Variants in SELENOK observed in about 807,000 individuals in gnomAD.
The protein encoded by SELENOK is selenoprotein K.
A neutral mutation model predicts 17.3 loss-of-function variants in SELENOK; 11 were observed. The ratio of observed to expected loss-of-function variants is 0.63; its 90% CI spans 0.40 to 1.05. The LOEUF is 1.05. Among genes scored for constraint, SELENOK ranks in the 50% least tolerant of loss-of-function variants. The pLI is 0.00. For missense variants in SELENOK, 125 were observed against 113.9 expected (o/e 1.10, Z -0.44); for synonymous variants, 45 against 35.4 (o/e 1.27, Z -0.97).
At chr3:53,885,959 G>T (rs945601515) in intron 3 of SELENOK, 47 bp from the exon 4 acceptor site, 16 of 1,267,248 alleles carry the variant, frequency 1.3e-5, no homozygotes, top group Non-Finnish European at 1.7e-5. Context: ...GACACAACTT[G>T]AATTGTCTCC....
rs944757518 is a variant in SELENOK at position 53,885,934 on chromosome 3, AT to A, written c.195-23del. The A allele has an allele frequency of 2.8e-6, 4 of 1,446,672 alleles. No individual in the cohort carries two copies. In the African/African-American group the frequency reaches 5.8e-5, roughly 21 times the overall value. 89.6% of individuals were successfully genotyped at this position (1,446,672 alleles called of 1,614,324 possible). A position where few individuals can be genotyped will look rare whatever the true frequency, so the allele number is the denominator to read the frequency against. The stretch of plus-strand genomic sequence containing the variant: ...TGGCCTAATAAAATAAAAAGTTAGT[AT>A]CTACTGTTTGATAGACACAACTTGA... On this transcript the variant is annotated intron_variant, in intron 3 of 4. Coordinates refer to ENST00000495461, the MANE Select transcript of SELENOK (RefSeq NM_021237.5).
chr3:53,885,611 G>A (rs765851123), intron 4 of SELENOK, 50 bp from the exon 5 acceptor site: 1 of 1,553,618 alleles, frequency 6.4e-7, no homozygotes, highest in Admixed American at 1.7e-5. Flanking sequence ...ATTTGGATCT[G>A]TGTGAAAACC....
intron 1 of SELENOK, among the ~76,000 whole-genome samples, chr3:53,889,100 T>G (rs1700148968): frequency 6.6e-6 from 1 of 152,044 alleles, no homozygotes; most frequent in Non-Finnish European, 1.5e-5. Context: ...CAAAAATTTA[T>G]CATGGTTTAA....
chr3:53,887,202 C>T (rs1184182403), intron 2 of SELENOK, among the ~76,000 whole-genome samples: 1 of 152,116 alleles, frequency 6.6e-6, no homozygotes, highest in Non-Finnish European at 1.5e-5. Flanking sequence ...CAGAGTCATC[C>T]CTGACCTCCA....
In SELENOK at chr3:53,891,804, C is replaced by T. The variant is rs1246270331; in HGVS notation, c.-16G>A. ...TGTAAACCATCTTGTCCCACTTCCCCGCTTCGGAGCCACCGGGCGCCTGGC... is the reference window on the plus strand; with the variant it reads ...TGTAAACCATCTTGTCCCACTTCCCTGCTTCGGAGCCACCGGGCGCCTGGC... On this transcript the variant is annotated 5_prime_UTR_variant, in exon 1 of 5. Coordinates refer to ENST00000495461, the MANE Select transcript of SELENOK (RefSeq NM_021237.5). 2 of 1,613,932 alleles carry T rather than the reference C, an allele frequency of 1.2e-6. No individual in the cohort carries two copies. Among genetic ancestry groups the T allele is most frequent in the Non-Finnish European group, 1.7e-6 (2 of 1,179,790 alleles).
Position 53,888,266 on chromosome 3 carries a change from A to AT in SELENOK, c.110+126dup, listed in dbSNP as rs1415855404. The AT allele has an allele frequency of 6.1e-6, 4 of 656,114 alleles. No homozygotes were observed. The African/African-American group carries it at 7.3e-5, about 12-fold the overall frequency. 40.6% of individuals were successfully genotyped at this position (656,114 alleles called of 1,614,324 possible). A position where few individuals can be genotyped will look rare whatever the true frequency, so the allele number is the denominator to read the frequency against. On this transcript the variant is annotated intron_variant, in intron 2 of 4. Coordinates refer to ENST00000495461, the MANE Select transcript of SELENOK (RefSeq NM_021237.5). ...AACATCTATTTCCCTGTGTAAAGCTATTTTTTAAATTGCAATAGAAAACTG... is the reference window on the plus strand; with the variant it reads ...AACATCTATTTCCCTGTGTAAAGCTATTTTTTTAAATTGCAATAGAAAACTG...
At position 53,884,659 on chromosome 3, in the gene SELENOK, T is replaced by A. The variant is rs191197663; in HGVS notation, c.*899A>T. 2 of 152,324 alleles carry A rather than the reference T, an allele frequency of 1.3e-5. No homozygotes were observed. Among genetic ancestry groups the A allele is most frequent in the Non-Finnish European group, 2.9e-5 (2 of 68,106 alleles). 9.4% of individuals were successfully genotyped at this position (152,324 alleles called of 1,614,324 possible). A position where few individuals can be genotyped will look rare whatever the true frequency, so the allele number is the denominator to read the frequency against. On this transcript the variant is annotated 3_prime_UTR_variant, in exon 5 of 5. Transcript: ENST00000495461. ...GCATGGAAGCCCATGGTTTTATTTA[T>A]TTTTTTGAGACAGGGTCTCACTCTG...
intron 1 of SELENOK, 141 bp downstream of exon 1, chr3:53,891,629 T>A: frequency 9.1e-7 from 1 of 1,096,250 alleles, no homozygotes. Context: ...CGAGGCGACT[T>A]CGGTCCAGCT....
Position 53,891,770 on chromosome 3 carries a change from C to G in SELENOK, c.19G>C (p.Gly7Arg), listed in dbSNP as rs769369671. The G allele has an allele frequency of 6.2e-6, 10 of 1,613,886 alleles. No homozygotes were observed. The South Asian group carries it at 9.9e-5, about 16-fold the overall frequency. The stretch of plus-strand genomic sequence containing the variant: ...AAGCCACAGCCCGCTCTCAACTTAC[C>G]GTTCGAGATGTAAACCATCTTGTCC... MVYISN[G>R]QVLDSRSQSP... Residue 7 changes from glycine (G) to arginine (R), a missense_variant and splice_region_variant, in exon 1 of 5, where the codon GGA becomes CGA. Gly to Arg is a moderately radical substitution (Grantham distance 125). Coordinates refer to ENST00000495461, the MANE Select transcript of SELENOK (RefSeq NM_021237.5).
At chr3:53,885,969 CT>C in intron 3 of SELENOK, 57 bp from the exon 4 acceptor site, 1 of 1,160,290 alleles carries the variant, frequency 8.6e-7, no homozygotes. Flanking sequence ...GAATTGTCTC[CT>C]TTTAAAAGCA....
chr3:53,885,274 C>A lies in SELENOK; in HGVS notation c.*284G>T, dbSNP rs79498519. 0.014 allele frequency: 3,834 copies of A among 275,736 alleles called. 40 individuals carry two copies. The highest frequency in any genetic ancestry group is 0.03 in the Middle Eastern group (28 of 924). 17.1% of individuals were successfully genotyped at this position (275,736 alleles called of 1,614,324 possible). Reference sequence around the variant, plus strand: ...ATATAAAGATGAGGAGTCCATTCTGCAACCTAAAAATATTTACTTATTAAA... The same window carrying A: ...ATATAAAGATGAGGAGTCCATTCTGAAACCTAAAAATATTTACTTATTAAA... On this transcript the variant is annotated 3_prime_UTR_variant, in exon 5 of 5. Coordinates refer to ENST00000495461, the MANE Select transcript of SELENOK (RefSeq NM_021237.5).
rs1242737383 is a variant in SELENOK, at chr3:53,884,870, C to G, written c.*688G>C. ...TCTCAAACTCGTGAACTTAGGCGAT[C>G]TGCCCGCCTCAGCCTCCCACAGTGC... On this transcript the variant is annotated 3_prime_UTR_variant, in exon 5 of 5. Transcript: ENST00000495461. 1 of 152,248 alleles carries G rather than the reference C, an allele frequency of 6.6e-6. No individual in the cohort carries two copies. The highest frequency in any genetic ancestry group is 1.5e-5 in the Non-Finnish European group (1 of 68,056). 9.4% of individuals were successfully genotyped at this position (152,248 alleles called of 1,614,324 possible). A position where few individuals can be genotyped will look rare whatever the true frequency, so the allele number is the denominator to read the frequency against.
In SELENOK at chr3:53,885,883, C is replaced by CCCT; in HGVS notation, c.223_224insAGG (p.Met74_Gly75insGlu). On this transcript the variant is annotated inframe_insertion, in exon 4 of 5. Transcript: ENST00000495461. ...AGGGCCACGCAGATGATTGATTCTA[C>CCCT]CCATTCTTCGGGGAGGGTTTCCTGG... 1 of 1,558,994 alleles carries CCCT rather than the reference C, an allele frequency of 6.4e-7. No individual in the cohort carries two copies. The highest frequency in any genetic ancestry group is 1.2e-5 in the South Asian group (1 of 81,416).
chr3:53,890,243 C>T (rs1700157712), intron 1 of SELENOK, among the ~76,000 whole-genome samples: 1 of 151,958 alleles, frequency 6.6e-6, no homozygotes, highest in Admixed American at 6.5e-5. Context: ...TTTCTTTCTC[C>T]AACAAAAAGT....
At chr3:53,887,014 A>T in intron 2 of SELENOK, 80 bp from the exon 3 acceptor site, 1 of 1,145,564 alleles carries the variant, frequency 8.7e-7, no homozygotes, top group Non-Finnish European at 1.2e-6. Flanking sequence ...TTTAACCATC[A>T]TCTCTGTGAG....
chr3:53,888,821 C>T (rs1448494195), intron 1 of SELENOK, among the ~76,000 whole-genome samples: 1 of 152,130 alleles, frequency 6.6e-6, no homozygotes, highest in Non-Finnish European at 1.5e-5. Context: ...CTTTGGGAGG[C>T]CGAGGCAGGC....
intron 3 of SELENOK, among the ~76,000 whole-genome samples, chr3:53,886,285 G>A (rs1027570308): frequency 2.0e-5 from 3 of 152,014 alleles, no homozygotes; most frequent in Non-Finnish European, 4.4e-5. Context: ...TCTCCAGGCT[G>A]GAGTGCAGTG....
At chr3:53,891,661 A>G in intron 1 of SELENOK, 109 bp downstream of exon 1, 1 of 1,443,422 alleles carries the variant, frequency 6.9e-7, no homozygotes, top group Non-Finnish European at 9.7e-7. Flanking sequence ...CGGGGCGCTA[A>G]GCCCGGGGAA....
chr3:53,888,472 C>G lies in SELENOK; in HGVS notation c.31G>C (p.Asp11His). The G allele has an allele frequency of 6.2e-7, 1 of 1,609,370 alleles. No individual in the cohort carries two copies. The change falls in exon 2 of 5, where the codon GAC (aspartate) becomes CAC (histidine). Residue 11 changes from aspartate (D) to histidine (H), a missense_variant. Asp to His is a moderately conservative substitution (Grantham distance 81). Transcript: ENST00000495461. ...CTCCATGGAGACTGACTCCGGCTGTCCAACACTTGTCCTACAGATAAGAAT... is the reference window on the plus strand; with the variant it reads ...CTCCATGGAGACTGACTCCGGCTGTGCAACACTTGTCCTACAGATAAGAAT... The part of the protein sequence containing the change: MVYISNGQVL[D>H]SRSQSPWRLS...
Sources: gnomAD v4.1 joint callset for allele counts (sites outside exome capture counted in the v4.1 genomes callset) on GRCh38, gnomAD v4.1.1 for gene constraint, MANE v1.5 for transcripts, NCBI Gene and HGNC (gene_info 2026-07-23, HGNC 2026-07-21) for gene names.